PTBP3: variants seen among roughly 807,000 people sequenced by gnomAD.
The protein encoded by PTBP3 is polypyrimidine tract binding protein 3.
Under a neutral mutation model 58.7 loss-of-function variants are expected in PTBP3, and 20 were observed. The observed-to-expected ratio is 0.34, with a 90% CI of 0.24 to 0.50. The LOEUF (loss-of-function observed/expected upper bound fraction) is 0.50, where lower values mean the gene tolerates loss of function less well. Ranked by LOEUF, PTBP3 falls within the 20% of genes least tolerant of loss-of-function variation. The probability of loss-of-function intolerance (pLI) is 0.98; values close to 1 mark genes in which losing one functional copy is unlikely to be tolerated. For synonymous variants in PTBP3, 185 were observed against 219.8 expected (o/e 0.84, Z 1.40); for missense variants, 509 against 637.2 (o/e 0.80, Z 2.17).
intron 1 of PTBP3, among the ~76,000 whole-genome samples, chr9:112,302,910 C>T (rs1410420702): frequency 5.3e-5 from 8 of 152,134 alleles, no homozygotes; most frequent in Non-Finnish European, 1.0e-4. Context: ...CTTCTTAATG[C>T]ACACATGCCA....
chr9:112,239,024 T>C (rs1835540733), intron 7 of PTBP3, among the ~76,000 whole-genome samples: 2 of 152,054 alleles, frequency 1.3e-5, no homozygotes, highest in African/African-American at 4.8e-5. Flanking sequence ...AAAACAATAA[T>C]AACAAATTGC....
intron 1 of PTBP3, among the ~76,000 whole-genome samples, chr9:112,318,749 G>C (rs1829803658): frequency 6.9e-6 from 1 of 144,642 alleles, no homozygotes; most frequent in African/African-American, 2.6e-5. Flanking sequence ...AACAGAGTGA[G>C]ACTGTCTCCA....
chr9:112,333,323 G>A, intron 1 of PTBP3, 147 bp downstream of exon 1: 1 of 1,053,742 alleles, frequency 9.5e-7, no homozygotes, highest in Non-Finnish European at 1.2e-6. Context: ...GAGACGCCCG[G>A]AAGCCCCGCC....
At chr9:112,273,336 C>T (rs1294594685) in intron 3 of PTBP3, among the ~76,000 whole-genome samples, 1 of 152,160 alleles carries the variant, frequency 6.6e-6, no homozygotes, top group Non-Finnish European at 1.5e-5. Flanking sequence ...TCTAATTTTT[C>T]TAAGACAACA....
chr9:112,271,727 A>C (rs1348036454), intron 3 of PTBP3, among the ~76,000 whole-genome samples: 1 of 152,080 alleles, frequency 6.6e-6, no homozygotes, highest in Non-Finnish European at 1.5e-5. Context: ...ACAGAGCAAG[A>C]CTCCGCTTCA....
At chr9:112,260,258 C>T (rs1287286719) in intron 5 of PTBP3, among the ~76,000 whole-genome samples, 2 of 152,124 alleles carry the variant, frequency 1.3e-5, no homozygotes, top group Admixed American at 6.5e-5. Context: ...TTAATGAGTA[C>T]TTTAAATGTA....
At chr9:112,307,063 GCC>G (rs1463850222) in intron 1 of PTBP3, among the ~76,000 whole-genome samples, 1 of 152,146 alleles carries the variant, frequency 6.6e-6, no homozygotes, top group Non-Finnish European at 1.5e-5. Flanking sequence ...AATAAAACAT[GCC>G]TAAAATAACA....
In PTBP3 at chr9:112,271,459, G is replaced by A. The variant is rs188393510; in HGVS notation, c.205-3264C>T. On this transcript the variant is annotated intron_variant, in intron 3 of 13. Coordinates refer to ENST00000374257, the MANE Select transcript of PTBP3 (RefSeq NM_001163788.4). ...AATAAAGACAGGCGTAGTGGCTCAC[G>A]CCTATGATCCCAATACTTTGGGAGG... 2.0e-4 allele frequency among the ~76,000 whole-genome samples: 31 copies of A among 152,240 alleles called. No homozygotes were observed. The East Asian group carries it at 3.7e-3, about 18-fold the overall frequency.
chr9:112,290,716 AC>A (rs1828378969), intron 2 of PTBP3, among the ~76,000 whole-genome samples: 2 of 144,974 alleles, frequency 1.4e-5, no homozygotes, highest in Admixed American at 6.9e-5. Flanking sequence ...ATACACACAC[AC>A]ACACACACAC....
At position 112,262,415 on chromosome 9, in the gene PTBP3, G is replaced by A. The variant is rs10981334; in HGVS notation, c.516+20C>T. 747,246 of 1,534,026 alleles carry A rather than the reference G, an allele frequency of 0.49. 187,871 individuals are homozygous for A. The highest frequency in any genetic ancestry group is 0.82 in the African/African-American group (57,277 of 70,142). On this transcript the variant is annotated intron_variant, in intron 5 of 13. Coordinates refer to ENST00000374257, the MANE Select transcript of PTBP3 (RefSeq NM_001163788.4). ...GCCATATTTAACTTAACTTTCTTAA[G>A]GGTATTTATTCCTCCTTACCTGATG...
At chr9:112,299,091 TAA>T (rs1471110581) in intron 1 of PTBP3, among the ~76,000 whole-genome samples, 6 of 152,188 alleles carry the variant, frequency 3.9e-5, no homozygotes, top group Non-Finnish European at 8.8e-5. Flanking sequence ...TACCTGCAGA[TAA>T]AGACACATTT....
At chr9:112,269,749 G>T (rs1827288106) in intron 3 of PTBP3, among the ~76,000 whole-genome samples, 2 of 152,174 alleles carry the variant, frequency 1.3e-5, no homozygotes, top group South Asian at 4.2e-4. Context: ...ATTAAACTCA[G>T]CCTCTGAAAA....
the PTBP3 span, among the ~76,000 whole-genome samples, chr9:112,355,651 G>C: frequency 1.4e-5 from 2 of 146,518 alleles, no homozygotes; most frequent in African/African-American, 5.1e-5. Flanking sequence ...TGTGGAGGGT[G>C]GGTGTTGGGG....
chr9:112,337,493 A>G, upstream of PTBP3, among the ~76,000 whole-genome samples: 1 of 152,214 alleles, frequency 6.6e-6, no homozygotes, highest in East Asian at 1.9e-4. Context: ...TCATCTCCAC[A>G]GAAGTTTCTG....
intron 5 of PTBP3, among the ~76,000 whole-genome samples, chr9:112,260,820 A>C (rs2132123255): frequency 6.6e-6 from 1 of 152,352 alleles, no homozygotes; most frequent in Middle Eastern, 3.4e-3. Flanking sequence ...TATAACTGAA[A>C]GGCTGAGTGT....
chr9:112,312,315 T>C (rs1205620362), intron 1 of PTBP3, among the ~76,000 whole-genome samples: 4 of 151,800 alleles, frequency 2.6e-5, no homozygotes, highest in Non-Finnish European at 4.4e-5. Flanking sequence ...AGACCCTGTA[T>C]CTACAAAACA....
intron 1 of PTBP3, among the ~76,000 whole-genome samples, chr9:112,301,576 T>C (rs1286621054): frequency 1.3e-5 from 2 of 152,088 alleles, no homozygotes; most frequent in Admixed American, 1.3e-4. Context: ...GGAAAACAGA[T>C]TAGTGGTTGC....
At chr9:112,353,317 G>T in the PTBP3 span, among the ~76,000 whole-genome samples, 1 of 152,176 alleles carries the variant, frequency 6.6e-6, no homozygotes, top group African/African-American at 2.4e-5. Context: ...TCACTAGCTT[G>T]TGAGTTACCC....
intron 1 of PTBP3, among the ~76,000 whole-genome samples, chr9:112,315,396 A>G (rs1451124171): frequency 6.6e-6 from 1 of 152,160 alleles, no homozygotes; most frequent in African/African-American, 2.4e-5. Context: ...GAGAAGTCCC[A>G]AGGAAGAACA....
Sources: allele counts gnomAD v4.1 joint callset (sites outside exome capture counted in the v4.1 genomes callset), GRCh38; gene constraint gnomAD v4.1.1; transcripts MANE v1.5; gene names NCBI Gene and HGNC (gene_info 2026-07-23, HGNC 2026-07-21).